Variants in SLC39A12 observed in about 807,000 individuals in gnomAD.
The protein encoded by SLC39A12 is zinc transporter ZIP12.
Under a neutral mutation model 71.1 loss-of-function variants are expected in SLC39A12, and 63 were observed. The ratio of observed to expected loss-of-function variants is 0.89; its 90% CI spans 0.72 to 1.09. SLC39A12 has a LOEUF of 1.09. Among genes scored for constraint, SLC39A12 ranks in the 50% least tolerant of loss-of-function variants. SLC39A12 has a pLI of 0.00. For missense variants in SLC39A12, 892 were observed against 812.6 expected (o/e 1.10, Z -1.19); for synonymous variants, 351 against 301.3 (o/e 1.16, Z -1.71).
intron 12 of SLC39A12, chr10:18,004,289 T>TAA (rs1412862002): frequency 6.6e-6 from 1 of 152,202 alleles, no homozygotes; most frequent in African/African-American, 2.4e-5. Context: ...TCAGGCTGTG[T>TAA]AAAAGTCAGA....
chr10:18,033,785 T>C (rs1463875342), intron 12 of SLC39A12, among the ~76,000 whole-genome samples: 1 of 148,826 alleles, frequency 6.7e-6, no homozygotes, highest in Non-Finnish European at 1.5e-5. Context: ...CTTGTGGGCA[T>C]TTAGTGCTAT....
At chr10:17,985,919 C>G (rs183744203) in intron 6 of SLC39A12, among the ~76,000 whole-genome samples, 1 of 152,202 alleles carries the variant, frequency 6.6e-6, no homozygotes, top group East Asian at 1.9e-4. Context: ...GTAGATTGTT[C>G]AGATTTTTAT....
chr10:18,036,794 A>ATTTTTTTTTTTTTTTTTTTT (rs746691202), intron 12 of SLC39A12, among the ~76,000 whole-genome samples: 2 of 92,858 alleles, frequency 2.2e-5, no homozygotes, highest in East Asian at 4.4e-4. Context: ...ATATATATAT[A>ATTTTTTTTTTTTTTTTTTTT]TTTTTTTTTT....
chr10:17,967,612 G>T (rs1008360403), intron 4 of SLC39A12, among the ~76,000 whole-genome samples: 7 of 151,918 alleles, frequency 4.6e-5, no homozygotes, highest in African/African-American at 1.7e-4. Flanking sequence ...GGCCGGGCGC[G>T]GTGGCTCACG....
At chr10:17,994,472 C>A (rs1835634860) in intron 9 of SLC39A12, among the ~76,000 whole-genome samples, 1 of 151,996 alleles carries the variant, frequency 6.6e-6, no homozygotes, top group South Asian at 2.1e-4. Flanking sequence ...ATGTTTGGCT[C>A]TAAATTACTT....
chr10:18,036,794 A>ATATATATATT (rs1554855475), intron 12 of SLC39A12, among the ~76,000 whole-genome samples: 11 of 92,842 alleles, frequency 1.2e-4, no homozygotes, highest in South Asian at 8.7e-4. Context: ...ATATATATAT[A>ATATATATATT]TTTTTTTTTT....
Position 17,953,298 on chromosome 10 carries a change from T to A in SLC39A12, c.22T>A (p.Ser8Thr), listed in dbSNP as rs1355903905. 1 of 1,614,162 alleles carries A rather than the reference T, an allele frequency of 6.2e-7. No homozygotes were observed. The highest frequency in any genetic ancestry group is 8.5e-7 in the Non-Finnish European group (1 of 1,180,026). The part of the protein sequence containing the change: MCFRTKL[S>T]VSWVPLFLLL... ...GGAAATGTGCTTCCGGACAAAGCTC[T>A]CAGTATCCTGGGTGCCATTGTTTCT... Residue 8 changes from serine (S) to threonine (T), a missense_variant, in exon 2 of 13, where the codon TCA becomes ACA. Ser to Thr is a moderately conservative substitution (Grantham distance 58, BLOSUM62 1). Coordinates refer to ENST00000377369, the MANE Select transcript of SLC39A12 (RefSeq NM_001145195.2).
intron 5 of SLC39A12, among the ~76,000 whole-genome samples, chr10:17,980,753 C>A (rs998043958): frequency 6.6e-6 from 1 of 151,972 alleles, no homozygotes; most frequent in Non-Finnish European, 1.5e-5. Flanking sequence ...AGGGTTATGC[C>A]AATTGAGAGA....
chr10:18,013,114 A>G (rs1255296196), intron 12 of SLC39A12, among the ~76,000 whole-genome samples: 2 of 151,400 alleles, frequency 1.3e-5, no homozygotes, highest in Admixed American at 6.6e-5. Flanking sequence ...AAATATTGTA[A>G]TATTATAATC....
chr10:18,025,035 G>A (rs1421222161), intron 12 of SLC39A12, among the ~76,000 whole-genome samples: 1 of 152,016 alleles, frequency 6.6e-6, no homozygotes, highest in African/African-American at 2.4e-5. Flanking sequence ...TTGATCCACT[G>A]TTATAATCTC....
intron 6 of SLC39A12, among the ~76,000 whole-genome samples, chr10:17,987,265 G>A (rs963930659): frequency 7.2e-5 from 11 of 152,162 alleles, no homozygotes; most frequent in African/African-American, 2.4e-5. Context: ...AGCCTAGGAG[G>A]TGGAGGCTAC....
chr10:17,991,042 A>G (rs1835530674), intron 7 of SLC39A12, 109 bp from the exon 8 acceptor site: 5 of 1,134,766 alleles, frequency 4.4e-6, no homozygotes, highest in South Asian at 2.1e-5. Context: ...GGCATTTCCC[A>G]GAATGAAAAT....
chr10:18,032,831 C>A (rs1057374413), intron 12 of SLC39A12, among the ~76,000 whole-genome samples: 2 of 147,506 alleles, frequency 1.4e-5, no homozygotes, highest in African/African-American at 5.0e-5. Flanking sequence ...CCCATCAATA[C>A]CTAATTTATT....
At chr10:18,029,490 T>C (rs916348404) in intron 12 of SLC39A12, among the ~76,000 whole-genome samples, 1 of 152,182 alleles carries the variant, frequency 6.6e-6, no homozygotes, top group African/African-American at 2.4e-5. Flanking sequence ...AACATAGTGG[T>C]AAAAAAGGAA....
intron 4 of SLC39A12, among the ~76,000 whole-genome samples, chr10:17,966,919 T>C (rs143407546): frequency 6.6e-6 from 1 of 151,786 alleles, no homozygotes; most frequent in Non-Finnish European, 1.5e-5. Context: ...GGTTGCGGTA[T>C]GTCGAGATTG....
At chr10:18,041,129 G>A (rs1021936979) in intron 12 of SLC39A12, among the ~76,000 whole-genome samples, 1 of 152,154 alleles carries the variant, frequency 6.6e-6, no homozygotes, top group African/African-American at 2.4e-5. Flanking sequence ...AGGTATGCTT[G>A]CTCTGACCTT....
intron 12 of SLC39A12, among the ~76,000 whole-genome samples, chr10:18,028,233 T>C (rs372590257): frequency 3.3e-5 from 5 of 152,238 alleles, no homozygotes; most frequent in Admixed American, 2.6e-4. Context: ...CGTCTCTAAA[T>C]GTCATCAGTA....
At chr10:18,033,082 G>A (rs1836896672) in intron 12 of SLC39A12, among the ~76,000 whole-genome samples, 1 of 149,904 alleles carries the variant, frequency 6.7e-6, no homozygotes, top group Non-Finnish European at 1.5e-5. Context: ...TTGCATCAAT[G>A]TTCATCAAGG....
chr10:18,019,749 C>A (rs1836481275), intron 12 of SLC39A12, among the ~76,000 whole-genome samples: 1 of 151,958 alleles, frequency 6.6e-6, no homozygotes. Context: ...CTAGTTTAAT[C>A]CATATGATCT....
Sources: allele counts gnomAD v4.1 joint callset (sites outside exome capture counted in the v4.1 genomes callset), GRCh38; gene constraint gnomAD v4.1.1; transcripts MANE v1.5; gene names NCBI Gene and HGNC (gene_info 2026-07-23, HGNC 2026-07-21).